The following SUPT3H variants were observed in gnomAD, a reference collection of about 807,000 sequenced individuals.
SUPT3H encodes the protein transcription initiation protein SPT3 homolog.
In SUPT3H, 44 loss-of-function variants were observed where a neutral mutation model predicts 44.3. That is an observed-to-expected ratio of 0.99 (90% CI 0.78 to 1.28). The LOEUF is 1.28. Ranked by LOEUF, SUPT3H falls within the 50% of genes most tolerant of loss-of-function variation. SUPT3H has a pLI of 0.00. For missense variants in SUPT3H, 380 were observed against 387.1 expected (o/e 0.98, Z 0.15); for synonymous variants, 124 against 125.6 (o/e 0.99, Z 0.09).
In SUPT3H at chr6:45,090,855, T is replaced by C. The variant is rs544569323; in HGVS notation, c.186+15067A>G. ...ATAAACATTTTATTAGGAATACAGT[T>C]ATTTTACTTCTTGTATTATCATCAA... is the stretch of plus-strand genomic sequence containing the variant. On this transcript the variant is annotated intron_variant, in intron 3 of 10. Transcript: ENST00000371459. Among the ~76,000 whole-genome samples, 5 of 152,020 alleles carry C rather than the reference T, an allele frequency of 3.3e-5. No homozygotes were observed. The East Asian group carries it at 5.8e-4, about 18-fold the overall frequency.
At chr6:45,008,914 T>C (rs2153508813) in intron 5 of SUPT3H, among the ~76,000 whole-genome samples, 1 of 152,262 alleles carries the variant, frequency 6.6e-6, no homozygotes, top group Non-Finnish European at 1.5e-5. Flanking sequence ...TCATTTTTTG[T>C]ATTTTTAGTA....
chr6:45,241,729 G>T (rs1290667776), intron 2 of SUPT3H, among the ~76,000 whole-genome samples: 1 of 152,014 alleles, frequency 6.6e-6, no homozygotes, highest in East Asian at 1.9e-4. Flanking sequence ...TGAGAAAAGA[G>T]GTTTGTGGCC....
chr6:44,842,285 C>T lies in SUPT3H; in HGVS notation c.913-12428G>A, dbSNP rs114217079. On this transcript the variant is annotated intron_variant, in intron 10 of 10. Transcript: ENST00000371459. Reference sequence around the variant, plus strand: ...TTAAACAGTCATGGTTCTTATTACACAGGAGTCTCACTTTGGGCTGGGGGT... The same window carrying T: ...TTAAACAGTCATGGTTCTTATTACATAGGAGTCTCACTTTGGGCTGGGGGT... Among the ~76,000 whole-genome samples the T allele has an allele frequency of 6.1e-3, 933 of 152,122 alleles. 16 individuals carry two copies. Among genetic ancestry groups the T allele is most frequent in the African/African-American group, 0.021 (862 of 41,480 alleles).
intron 9 of SUPT3H, among the ~76,000 whole-genome samples, chr6:44,939,867 A>G (rs1332162758): frequency 6.7e-6 from 1 of 148,824 alleles, no homozygotes; most frequent in East Asian, 2.0e-4. Context: ...AGTCTGTGAC[A>G]ATCTTTTGTA....
chr6:44,898,500 C>T (rs984684236), intron 10 of SUPT3H, among the ~76,000 whole-genome samples: 2 of 152,200 alleles, frequency 1.3e-5, no homozygotes, highest in African/African-American at 4.8e-5. Flanking sequence ...CTGACTGCAA[C>T]CTCACAGGAA....
intron 2 of SUPT3H, among the ~76,000 whole-genome samples, chr6:45,278,206 T>C (rs949398079): frequency 6.6e-6 from 1 of 152,018 alleles, no homozygotes; most frequent in Non-Finnish European, 1.5e-5. Flanking sequence ...GACGAGTTGA[T>C]GGGTGCAGCA....
At chr6:45,245,753 C>A (rs1334165733) in intron 2 of SUPT3H, among the ~76,000 whole-genome samples, 1 of 152,082 alleles carries the variant, frequency 6.6e-6, no homozygotes, top group Non-Finnish European at 1.5e-5. Flanking sequence ...CACTGGTGTA[C>A]CAATATCCAT....
intron 11 of SUPT3H, among the ~76,000 whole-genome samples, chr6:44,816,265 C>T (rs895008573): frequency 5.3e-5 from 8 of 151,976 alleles, no homozygotes; most frequent in Admixed American, 3.9e-4. Flanking sequence ...AACAAATTGC[C>T]AATCTTAGGA....
At chr6:44,970,647 C>T (rs916116317) in intron 6 of SUPT3H, among the ~76,000 whole-genome samples, 1 of 150,858 alleles carries the variant, frequency 6.6e-6, no homozygotes, top group South Asian at 2.1e-4. Context: ...TGTATAAAAT[C>T]TTCAGGCATT....
chr6:45,086,033 A>C (rs1796428814), intron 3 of SUPT3H, among the ~76,000 whole-genome samples: 1 of 152,252 alleles, frequency 6.6e-6, no homozygotes, highest in East Asian at 1.9e-4. Context: ...AAAGTCAAAC[A>C]CTGAAGGTTG....
At chr6:44,888,296 G>A (rs1199068069) in intron 10 of SUPT3H, among the ~76,000 whole-genome samples, 4 of 152,030 alleles carry the variant, frequency 2.6e-5, no homozygotes, top group African/African-American at 7.3e-5. Context: ...ACCAAAGCCG[G>A]GCAGAGACAC....
At chr6:45,185,183 C>T (rs1370190967) in intron 2 of SUPT3H, among the ~76,000 whole-genome samples, 2 of 152,152 alleles carry the variant, frequency 1.3e-5, no homozygotes, top group Non-Finnish European at 2.9e-5. Context: ...AGCCTCCATC[C>T]TGACCCAGCA....
chr6:45,176,169 T>G (rs6926025), intron 2 of SUPT3H, among the ~76,000 whole-genome samples: 90,810 of 149,468 alleles, frequency 0.61, 27,954 homozygotes, highest in African/African-American at 0.73. Flanking sequence ...GGTACTGGGT[T>G]CATCTCACTA....
chr6:45,195,338 T>C (rs1018059871), intron 2 of SUPT3H, among the ~76,000 whole-genome samples: 3 of 152,118 alleles, frequency 2.0e-5, no homozygotes, highest in Non-Finnish European at 4.4e-5. Flanking sequence ...TACAGGTGTG[T>C]AGGTTTTAAT....
intron 1 of SUPT3H, among the ~76,000 whole-genome samples, chr6:45,370,591 A>C (rs1795896306): frequency 1.3e-5 from 2 of 152,212 alleles, no homozygotes; most frequent in South Asian, 4.1e-4. Flanking sequence ...AGGATCAACT[A>C]ATCTCATAAG....
intron 2 of SUPT3H, among the ~76,000 whole-genome samples, chr6:45,280,846 T>C (rs1437429105): frequency 1.3e-5 from 2 of 152,170 alleles, no homozygotes; most frequent in African/African-American, 4.8e-5. Context: ...ACATGTTCTA[T>C]AACAACAGAG....
chr6:45,290,263 G>C (rs1780099152), intron 2 of SUPT3H, among the ~76,000 whole-genome samples: 1 of 152,036 alleles, frequency 6.6e-6, no homozygotes, highest in African/African-American at 2.4e-5. Flanking sequence ...AAAGTAAAAA[G>C]GCTCTTGCTT....
chr6:45,269,960 C>A (rs1453124647), intron 2 of SUPT3H, among the ~76,000 whole-genome samples: 2 of 152,166 alleles, frequency 1.3e-5, no homozygotes, highest in South Asian at 4.1e-4. Flanking sequence ...CTGCTCCCAG[C>A]CCTAGGCAAC....
chr6:45,172,273 A>G (rs1810937308), intron 2 of SUPT3H, among the ~76,000 whole-genome samples: 1 of 151,312 alleles, frequency 6.6e-6, no homozygotes, highest in Admixed American at 6.6e-5. Context: ...GGGTTTCACC[A>G]TGTTGGCCAG....
Sources: gnomAD v4.1 joint callset for allele counts (sites outside exome capture counted in the v4.1 genomes callset) on GRCh38, gnomAD v4.1.1 for gene constraint, MANE v1.5 for transcripts, NCBI Gene and HGNC (gene_info 2026-07-23, HGNC 2026-07-21) for gene names.